The following HMG20A variants were observed in gnomAD, a reference collection of about 807,000 sequenced individuals.
HMG20A encodes high mobility group 20A, also known as high mobility group protein 20A.
Under a neutral mutation model 43.9 loss-of-function variants are expected in HMG20A, and 17 were observed. The ratio of observed to expected loss-of-function variants is 0.39; its 90% CI spans 0.27 to 0.58. The LOEUF is 0.58. HMG20A is among the 20% of genes least tolerant of loss of function. HMG20A has a pLI of 0.59. For synonymous variants in HMG20A, 132 were observed against 147.5 expected, an observed-to-expected ratio of 0.89 and a Z score of 0.76; for missense variants, 341 against 438.2, an observed-to-expected ratio of 0.78 and a Z score of 1.98.
chr15:77,460,562 A>C (rs1595924042), intron 2 of HMG20A, among the ~76,000 whole-genome samples: 1 of 152,194 alleles, frequency 6.6e-6, no homozygotes, highest in South Asian at 2.1e-4. Flanking sequence ...AGACAGAGAA[A>C]GTTGGGACTT....
intron 1 of HMG20A, among the ~76,000 whole-genome samples, chr15:77,421,764 G>C (rs967710189): frequency 2.0e-5 from 3 of 152,180 alleles, no homozygotes; most frequent in African/African-American, 7.2e-5. Flanking sequence ...TGTTGATTTT[G>C]GGCTACAGGT....
At position 77,438,281 on chromosome 15, in the gene HMG20A, A is replaced by T. The variant is rs185411384; in HGVS notation, c.-5+17277A>T. On this transcript the variant is annotated intron_variant, in intron 1 of 9. Coordinates refer to ENST00000336216, the MANE Select transcript of HMG20A (RefSeq NM_001304504.2). ...GGTGTGAGCGACTGGACCCAGCCAA[A>T]CTGCAATTTTAAAAAAATACATAAG... Among the ~76,000 whole-genome samples, 16 of 151,816 alleles carry T rather than the reference A, an allele frequency of 1.1e-4. No homozygotes were observed. The East Asian group carries it at 3.1e-3, about 29-fold the overall frequency.
At chr15:77,508,466 C>T in the HMG20A span, among the ~76,000 whole-genome samples, 1 of 152,174 alleles carries the variant, frequency 6.6e-6, no homozygotes, top group African/African-American at 2.4e-5. Flanking sequence ...GAGTGTGAGC[C>T]CATTCATTCA....
chr15:77,488,622 T>C (rs532328806), downstream of HMG20A, among the ~76,000 whole-genome samples: 7 of 152,320 alleles, frequency 4.6e-5, no homozygotes, highest in East Asian at 1.4e-3. Context: ...AAATCTGAAC[T>C]GATAGCTATC....
At chr15:77,421,324 A>G (rs1314386168) in intron 1 of HMG20A, among the ~76,000 whole-genome samples, 3 of 152,184 alleles carry the variant, frequency 2.0e-5, no homozygotes, top group African/African-American at 7.2e-5. Flanking sequence ...TTATGTGAAA[A>G]GTTAGATTAT....
intron 1 of HMG20A, among the ~76,000 whole-genome samples, chr15:77,444,882 T>A (rs1482874497): frequency 6.6e-6 from 1 of 152,252 alleles, no homozygotes; most frequent in Non-Finnish European, 1.5e-5. Context: ...CTAAATTTCA[T>A]CTTACTGTTC....
intron 2 of HMG20A, among the ~76,000 whole-genome samples, chr15:77,462,960 C>T (rs928673636): frequency 3.3e-5 from 5 of 151,726 alleles, no homozygotes; most frequent in Admixed American, 1.3e-4. Context: ...TTAGTAGAGA[C>T]GGGGTTTCAC....
At chr15:77,499,683 A>G in the HMG20A span, among the ~76,000 whole-genome samples, 3 of 152,156 alleles carry the variant, frequency 2.0e-5, no homozygotes, top group African/African-American at 7.2e-5. Context: ...TTTGCTATTA[A>G]CTAGTTCTAT....
chr15:77,479,135 C>T, intron 8 of HMG20A, 44 bp from the exon 9 acceptor site: 1 of 1,596,212 alleles, frequency 6.3e-7, no homozygotes, highest in Non-Finnish European at 8.6e-7. Flanking sequence ...TATGGTACAA[C>T]TGAATAGGGA....
chr15:77,482,135 C>G (rs143815858), intron 9 of HMG20A: 7 of 152,268 alleles, frequency 4.6e-5, no homozygotes, highest in Non-Finnish European at 8.8e-5. Context: ...CTCTCATTCA[C>G]TGGGTTTCTA....
At chr15:77,448,850 G>A (rs1283587875) in intron 1 of HMG20A, among the ~76,000 whole-genome samples, 2 of 151,978 alleles carry the variant, frequency 1.3e-5, no homozygotes, top group Non-Finnish European at 2.9e-5. Flanking sequence ...TTGGGAGGCC[G>A]AGGTGGGTGG....
At chr15:77,511,824 G>A in the HMG20A span, among the ~76,000 whole-genome samples, 3 of 152,174 alleles carry the variant, frequency 2.0e-5, no homozygotes, top group South Asian at 4.1e-4. Flanking sequence ...ATAAAATAGT[G>A]CAGTTGCTGT....
the HMG20A span, among the ~76,000 whole-genome samples, chr15:77,497,635 GAGAA>G: frequency 1.3e-5 from 2 of 150,448 alleles, no homozygotes; most frequent in South Asian, 2.1e-4. Context: ...GCTGCTGCAG[GAGAA>G]AGAAAGAGAT....
In HMG20A at chr15:77,464,101, A is replaced by G. The variant is rs1219342559; in HGVS notation, c.90-139A>G. On this transcript the variant is annotated intron_variant, in intron 2 of 9. Transcript: ENST00000336216. ...AAAACGCCCTGTAACGTCTGTGAAT[A>G]CGTTGTTTACATTTATACAGATTAT... 6.4e-6 allele frequency: 6 copies of G among 933,714 alleles called. No individual in the cohort carries two copies. In the East Asian group the frequency reaches 1.7e-4, roughly 26 times the overall value. 57.8% of individuals were successfully genotyped at this position (933,714 alleles called of 1,614,324 possible). A position where few individuals can be genotyped will look rare whatever the true frequency, so the allele number is the denominator to read the frequency against.
the HMG20A span, among the ~76,000 whole-genome samples, chr15:77,514,810 C>A: frequency 6.6e-6 from 1 of 152,172 alleles, no homozygotes; most frequent in Admixed American, 6.5e-5. Context: ...GGGCCCGAGT[C>A]GGGGCAGGCA....
intron 1 of HMG20A, among the ~76,000 whole-genome samples, chr15:77,444,230 G>A (rs755314227): frequency 1.3e-5 from 2 of 152,034 alleles, no homozygotes; most frequent in South Asian, 2.1e-4. Flanking sequence ...CTCATATAAC[G>A]CCTCTACTTG....
chr15:77,454,629 C>T (rs2072637689), intron 1 of HMG20A, among the ~76,000 whole-genome samples: 1 of 151,986 alleles, frequency 6.6e-6, no homozygotes, highest in African/African-American at 2.4e-5. Context: ...TCATTTTTTT[C>T]CTCCACCATC....
chr15:77,501,168 G>C, the HMG20A span, among the ~76,000 whole-genome samples: 7 of 152,322 alleles, frequency 4.6e-5, no homozygotes, highest in African/African-American at 1.7e-4. Flanking sequence ...GCACTCAGTA[G>C]TAAGTCTGTT....
intron 6 of HMG20A, among the ~76,000 whole-genome samples, chr15:77,476,829 T>C (rs1288325517): frequency 1.3e-5 from 2 of 152,236 alleles, no homozygotes; most frequent in Non-Finnish European, 2.9e-5. Flanking sequence ...GAATATATTT[T>C]GCAATGATCT....
Sources: gnomAD v4.1 joint callset for allele counts (sites outside exome capture counted in the v4.1 genomes callset) on GRCh38, gnomAD v4.1.1 for gene constraint, MANE v1.5 for transcripts, NCBI Gene and HGNC (gene_info 2026-07-23, HGNC 2026-07-21) for gene names.